CAPNS1: variants seen among roughly 807,000 people sequenced by gnomAD.
CAPNS1 encodes the protein CANP small subunit.
In CAPNS1, 32 loss-of-function variants were observed where a neutral mutation model predicts 39.2. The observed-to-expected ratio is 0.82, with a 90% CI of 0.62 to 1.10. The LOEUF is 1.10. Ranked by LOEUF, CAPNS1 falls within the 50% of genes least tolerant of loss-of-function variation. The probability of loss-of-function intolerance (pLI) is 0.00; values close to 1 mark genes in which losing one functional copy is unlikely to be tolerated. For missense variants in CAPNS1, 353 were observed against 373.1 expected (o/e 0.95, Z 0.44); for synonymous variants, 153 against 136.2 (o/e 1.12, Z -0.86).
intron 5 of CAPNS1, 45 bp from the exon 6 acceptor site, chr19:36,143,019 G>C (rs1974436265): frequency 6.2e-7 from 1 of 1,612,096 alleles, no homozygotes; most frequent in African/African-American, 1.3e-5. Flanking sequence ...AGGGGTCAGA[G>C]AGGATTTGAC....
chr19:36,145,619 TGTAA>T, intron 6 of CAPNS1, 183 bp from the exon 7 acceptor site: 1 of 573,164 alleles, frequency 1.7e-6, no homozygotes, highest in Non-Finnish European at 3.2e-6. Context: ...TATTTAGAAA[TGTAA>T]GTGACAATAT....
At chr19:36,146,828 CTT>C (rs1974585323) in intron 9 of CAPNS1, among the ~76,000 whole-genome samples, 1 of 152,050 alleles carries the variant, frequency 6.6e-6, no homozygotes, top group South Asian at 2.1e-4. Context: ...GCTTCTGATG[CTT>C]TTTGTTAGAT....
Position 36,142,686 on chromosome 19 carries a change from A to G in CAPNS1, c.278A>G (p.Asn93Ser). ...PRTHYSNIEA[N>S]ESEEVRQFRR... is the part of the protein sequence containing the mutation. ...ACACATTACTCCAACATTGAGGCCA[A>G]CGAGAGTGAGGAGGTCCGGCAGTTC... Residue 93 changes from asparagine (N) to serine (S), a missense_variant, in exon 4 of 11, where the codon AAC becomes AGC. Coordinates refer to ENST00000246533, the MANE Select transcript of CAPNS1 (RefSeq NM_001749.4). 6.2e-7 allele frequency: 1 copy of G among 1,614,114 alleles called. No individual in the cohort carries two copies.
intron 2 of CAPNS1, chr19:36,141,716 G>A (rs1480237048): frequency 3.4e-6 from 2 of 587,768 alleles, no homozygotes; most frequent in African/African-American, 4.0e-5. Context: ...GGCTGGGCTT[G>A]CTGGGAACTG....
chr19:36,140,642 A>G (rs1974322784), intron 1 of CAPNS1: 2 of 237,624 alleles, frequency 8.4e-6, no homozygotes, highest in African/African-American at 4.6e-5. Flanking sequence ...AAGGACCTCT[A>G]CATTCAGGCT....
chr19:36,142,549 G>T, intron 3 of CAPNS1, 103 bp from the exon 4 acceptor site: 1 of 875,090 alleles, frequency 1.1e-6, no homozygotes, highest in Non-Finnish European at 1.9e-6. Flanking sequence ...TCCTCATCAA[G>T]CTGCCCAGCC....
At chr19:36,145,750 C>T (rs1974538998) in intron 6 of CAPNS1, 56 bp from the exon 7 acceptor site, 3 of 1,458,052 alleles carry the variant, frequency 2.1e-6, no homozygotes. Context: ...GTCCACAGTG[C>T]ATGTGATGCA....
intron 9 of CAPNS1, 36 bp downstream of exon 9, chr19:36,146,348 T>G (rs1290451338): frequency 7.2e-7 from 1 of 1,386,360 alleles, no homozygotes; most frequent in African/African-American, 1.4e-5. Context: ...TGGGTGGGGA[T>G]TCCTATGACC....
Position 36,149,856 on chromosome 19 carries a change from C to T in CAPNS1, c.*17C>T, listed in dbSNP as rs765770822. 3 of 1,442,328 alleles carry T rather than the reference C, an allele frequency of 2.1e-6. No homozygotes were observed. The highest frequency in any genetic ancestry group is 2.6e-5 in the Admixed American group (1 of 38,700). The allele number at this position is 1,442,328 out of a possible 1,614,324, so 89.3% of individuals were successfully genotyped here. ...TATTCCTGAACTGGAGCCCCAGACC[C>T]GCCCCCTCACTGCCTTGCTATAGGA... is the stretch of plus-strand genomic sequence containing the variant. On this transcript the variant is annotated 3_prime_UTR_variant, in exon 11 of 11. Transcript: ENST00000246533.
chr19:36,149,967 C>T lies in CAPNS1; in HGVS notation c.*128C>T. The T allele has an allele frequency of 1.1e-6, 1 of 875,868 alleles. No homozygotes were observed. Among genetic ancestry groups the T allele is most frequent in the Non-Finnish European group, 1.6e-6 (1 of 626,200 alleles). The allele number at this position is 875,868 out of a possible 1,614,324, so 54.3% of individuals were successfully genotyped here. On this transcript the variant is annotated 3_prime_UTR_variant, in exon 11 of 11. Transcript: ENST00000246533. ...GCCTGCTGACCCACAAGCTTTTGTT[C>T]TCTCAGTACTTGTTACCCAGCTTCT...
At chr19:36,141,684 G>T (rs1055937608) in intron 2 of CAPNS1, 25 of 827,134 alleles carry the variant, frequency 3.0e-5, no homozygotes, top group Non-Finnish European at 3.7e-5. Context: ...ACCTAATGGG[G>T]TAGGGTAAAT....
chr19:36,141,161 A>AGGCGGCGGTGGC lies in CAPNS1; in HGVS notation c.153_164dup (p.Gly53_Gly56dup). The AGGCGGCGGTGGC allele has an allele frequency of 7.2e-6, 10 of 1,398,088 alleles. No homozygotes were observed. Among genetic ancestry groups the AGGCGGCGGTGGC allele is most frequent in the Non-Finnish European group, 7.4e-6 (8 of 1,079,944 alleles). 86.6% of individuals were successfully genotyped at this position (1,398,088 alleles called of 1,614,324 possible). On this transcript the variant is annotated inframe_insertion, in exon 2 of 11. Transcript: ENST00000246533. ...GCGGCGGCGGCGGCGGCGGTGGTGG[A>AGGCGGCGGTGGC]GGCGGCGGTGGCGGTGGAACGGCCA...
At chr19:36,143,697 CAAA>C (rs35391713) in intron 6 of CAPNS1, among the ~76,000 whole-genome samples, 2,080 of 118,692 alleles carry the variant, frequency 0.018, 55 homozygotes, top group African/African-American at 0.063. Flanking sequence ...CTGTCTCTAC[CAAA>C]AAAAAAAAAA....
rs142640098 is a variant in CAPNS1 at position 36,146,041 on chromosome 19, C to T, written c.591C>T (p.Ala197=). The T allele has an allele frequency of 5.0e-5, 80 of 1,614,048 alleles. No individual in the cohort carries two copies. The African/African-American group carries it at 8.3e-4, about 17-fold the overall frequency. ...TTTGCAGTAGTGAACTCCCAGGTGC[C>T]TTTGAGGCAGCAGGTATGGCTGGCA... ...GTICSSELPG[A]FEAAGFHLNE... Residue 197 remains alanine (A), a synonymous_variant, in exon 8 of 11, where the codon GCC becomes GCT. Coordinates refer to ENST00000246533, the MANE Select transcript of CAPNS1 (RefSeq NM_001749.4).
At chr19:36,143,446 G>T (rs1974450851) in intron 6 of CAPNS1, among the ~76,000 whole-genome samples, 2 of 152,088 alleles carry the variant, frequency 1.3e-5, no homozygotes, top group East Asian at 1.9e-4. Flanking sequence ...ATAGATAAAG[G>T]TCAGGCATGG....
chr19:36,142,832 C>T lies in CAPNS1; in HGVS notation c.334-77C>T, dbSNP rs186561390. The stretch of plus-strand genomic sequence containing the variant: ...CACACACACCCTTGACCATGACAAT[C>T]CCAGTGTTCCCATTCTCCATGACAT... On this transcript the variant is annotated intron_variant, in intron 4 of 10. Coordinates refer to ENST00000246533, the MANE Select transcript of CAPNS1 (RefSeq NM_001749.4). 2.0e-4 allele frequency: 318 copies of T among 1,585,886 alleles called. 1 individual carries two copies. In the African/African-American group the frequency reaches 3.7e-3, roughly 18 times the overall value.
Position 36,146,237 on chromosome 19 carries a change from C to A in CAPNS1, c.646C>A (p.Arg216Ser). The A allele has an allele frequency of 6.2e-7, 1 of 1,613,532 alleles. No homozygotes were observed. Among genetic ancestry groups the A allele is most frequent in the South Asian group, 1.1e-5 (1 of 91,070 alleles). ...GCATCTCTATAACATGATCATCCGACGCTACTCAGATGAAAGTGGGAACAT... is the reference window on the plus strand; with the variant it reads ...GCATCTCTATAACATGATCATCCGAAGCTACTCAGATGAAAGTGGGAACAT... Reference protein sequence around the residue: ...NEHLYNMIIRRYSDESGNMDF... With the variant: ...NEHLYNMIIRSYSDESGNMDF... Residue 216 changes from arginine to serine, a missense_variant, in exon 9 of 11, where the codon CGC (arginine) becomes AGC (serine). Coordinates refer to ENST00000246533, the MANE Select transcript of CAPNS1 (RefSeq NM_001749.4).
At chr19:36,147,549 G>A (rs17880089) in intron 9 of CAPNS1, among the ~76,000 whole-genome samples, 2,920 of 151,842 alleles carry the variant, frequency 0.019, 70 homozygotes, top group African/African-American at 0.067. Flanking sequence ...GGCGGATCAC[G>A]AGGTCAGGAG....
chr19:36,146,166 C>T, intron 8 of CAPNS1, 30 bp from the exon 9 acceptor site: 4 of 1,588,190 alleles, frequency 2.5e-6, no homozygotes, highest in Non-Finnish European at 2.6e-6. Flanking sequence ...CCATGTGGCC[C>T]CCGCACCTGA....
Sources: allele counts gnomAD v4.1 joint callset (sites outside exome capture counted in the v4.1 genomes callset), GRCh38; gene constraint gnomAD v4.1.1; transcripts MANE v1.5; gene names NCBI Gene and HGNC (gene_info 2026-07-23, HGNC 2026-07-21).